Variants in PPM1L observed in about 807,000 individuals in gnomAD.
PPM1L encodes the protein protein phosphatase 1L.
PPM1L carries 13 observed loss-of-function variants against 31.4 expected under a neutral mutation model. The observed-to-expected ratio is 0.41, with a 90% CI of 0.27 to 0.66. PPM1L has a LOEUF of 0.66. Ranked by LOEUF, PPM1L falls within the 30% of genes least tolerant of loss-of-function variation. The probability of loss-of-function intolerance (pLI) is 0.29; values close to 1 mark genes in which losing one functional copy is unlikely to be tolerated. For synonymous variants in PPM1L, 184 were observed against 175.4 expected, an observed-to-expected ratio of 1.05 and a Z score of -0.39; for missense variants, 326 against 453.7, an observed-to-expected ratio of 0.72 and a Z score of 2.56.
intron 1 of PPM1L, among the ~76,000 whole-genome samples, chr3:160,922,817 T>C (rs909429608): frequency 6.6e-6 from 1 of 152,236 alleles, no homozygotes; most frequent in Non-Finnish European, 1.5e-5. Flanking sequence ...TGTCAGGTAC[T>C]GTGCTAGGCA....
intron 2 of PPM1L, among the ~76,000 whole-genome samples, chr3:161,000,827 T>C (rs184095266): frequency 2.3e-3 from 353 of 152,294 alleles, no homozygotes; most frequent in African/African-American, 8.4e-3. Context: ...CCTTAGTTGG[T>C]TGTTGGATTT....
chr3:160,944,133 A>T (rs2108089711), intron 1 of PPM1L, among the ~76,000 whole-genome samples: 2 of 152,102 alleles, frequency 1.3e-5, no homozygotes, highest in East Asian at 1.9e-4. Flanking sequence ...GCTGTTTGAG[A>T]GACACCAGCC....
intron 2 of PPM1L, among the ~76,000 whole-genome samples, chr3:161,040,689 C>T (rs1718882648): frequency 6.6e-6 from 1 of 152,070 alleles, no homozygotes; most frequent in Admixed American, 6.6e-5. Flanking sequence ...GAGGACTAAT[C>T]TCTGATTTTT....
At chr3:160,820,873 G>C (rs1009163659) in intron 1 of PPM1L, among the ~76,000 whole-genome samples, 1 of 151,960 alleles carries the variant, frequency 6.6e-6, no homozygotes, top group Non-Finnish European at 1.5e-5. Flanking sequence ...ATTTCCTTGT[G>C]TACATATGCA....
rs758254400 is a variant in PPM1L, at chr3:160,756,583, A to G, written c.275A>G (p.Asn92Ser). 5.6e-6 allele frequency: 9 copies of G among 1,614,012 alleles called. No individual in the cohort carries two copies. The highest frequency in any genetic ancestry group is 4.0e-5 in the African/African-American group (3 of 74,902). ...FSKTWEFKNH[N>S]VAVYSIQGRR... ...AAGACCTGGGAGTTCAAGAACCACA[A>G]CGTGGCGGTGTACTCCATCCAGGGC... is the stretch of plus-strand genomic sequence containing the variant. Residue 92 changes from asparagine (N) to serine (S), a missense_variant, in exon 1 of 4, where the codon AAC (asparagine) becomes AGC (serine). Physicochemically the swap from Asn to Ser is conservative, Grantham distance 46. Coordinates refer to ENST00000498165, the MANE Select transcript of PPM1L (RefSeq NM_139245.4). The surrounding 1 kb of genome is among the most constrained non-coding windows in gnomAD (Gnocchi z 6.2).
At chr3:161,000,217 T>C (rs1717440061) in intron 2 of PPM1L, among the ~76,000 whole-genome samples, 1 of 152,204 alleles carries the variant, frequency 6.6e-6, no homozygotes, top group African/African-American at 2.4e-5. Flanking sequence ...GGTTAGGTGA[T>C]ATAAATTTGA....
chr3:160,922,148 A>G (rs978682541), intron 1 of PPM1L, among the ~76,000 whole-genome samples: 3 of 152,074 alleles, frequency 2.0e-5, no homozygotes, highest in Admixed American at 2.0e-4. Flanking sequence ...ATCTCTGCTA[A>G]AAATACAAAA....
At chr3:160,970,239 A>C (rs1464600243) in intron 2 of PPM1L, among the ~76,000 whole-genome samples, 2 of 152,160 alleles carry the variant, frequency 1.3e-5, no homozygotes, top group Non-Finnish European at 2.9e-5. Flanking sequence ...TGTGAAAAAA[A>C]TGAGAATGGT....
chr3:161,063,606 T>C (rs1473972761), intron 2 of PPM1L, among the ~76,000 whole-genome samples: 4 of 152,196 alleles, frequency 2.6e-5, no homozygotes, highest in Non-Finnish European at 5.9e-5. Context: ...TGGAAGACAG[T>C]GTGGCAATTC....
rs1715687163 is a variant in PPM1L at position 160,954,778 on chromosome 3, TTTAATTAAG to T, written c.400-6956_400-6948del. Among the ~76,000 whole-genome samples the T allele has an allele frequency of 3.3e-5, 5 of 152,310 alleles. No individual in the cohort carries two copies. The South Asian group carries it at 1.0e-3, about 32-fold the overall frequency. ...CTTTTGCTGTGTGGAAACTCTGTAG[TTTAATTAAG>T]TCCCATTTGTCTATATTGTTGCTTT... On this transcript the variant is annotated intron_variant, in intron 1 of 3. Transcript: ENST00000498165.
At chr3:160,816,768 G>A (rs1297045257) in intron 1 of PPM1L, among the ~76,000 whole-genome samples, 1 of 151,958 alleles carries the variant, frequency 6.6e-6, no homozygotes, top group Non-Finnish European at 1.5e-5. Context: ...ACTCAGTGAG[G>A]CCCCCATCAT....
intron 1 of PPM1L, among the ~76,000 whole-genome samples, chr3:160,809,247 G>T (rs1371008301): frequency 6.6e-6 from 1 of 152,166 alleles, no homozygotes; most frequent in Non-Finnish European, 1.5e-5. Context: ...GCCATTAACA[G>T]TGCCATGATG....
chr3:160,851,796 G>C (rs1382842652), intron 1 of PPM1L, among the ~76,000 whole-genome samples: 1 of 152,138 alleles, frequency 6.6e-6, no homozygotes, highest in Non-Finnish European at 1.5e-5. Flanking sequence ...AAGGTGGAAA[G>C]GTACCCAAGA....
At chr3:160,763,719 A>T (rs562817056) in intron 1 of PPM1L, among the ~76,000 whole-genome samples, 20 of 152,290 alleles carry the variant, frequency 1.3e-4, no homozygotes, top group Admixed American at 9.2e-4. Flanking sequence ...GTTCCTCCAA[A>T]CTATGTGGAG....
At chr3:160,966,810 CAA>C (rs1432849769) in intron 2 of PPM1L, among the ~76,000 whole-genome samples, 3 of 152,134 alleles carry the variant, frequency 2.0e-5, no homozygotes, top group Admixed American at 6.6e-5. Context: ...GCACTACACT[CAA>C]AGTCACATTA....
intron 1 of PPM1L, among the ~76,000 whole-genome samples, chr3:160,830,664 T>C (rs1036088810): frequency 6.6e-6 from 1 of 152,176 alleles, no homozygotes; most frequent in Non-Finnish European, 1.5e-5. Context: ...GGTCAGAGTC[T>C]ATCCTCAGTC....
intron 2 of PPM1L, among the ~76,000 whole-genome samples, chr3:160,971,609 T>A (rs1326208413): frequency 1.3e-5 from 2 of 152,204 alleles, no homozygotes; most frequent in Non-Finnish European, 2.9e-5. Context: ...AACCCGTAAA[T>A]CTTGTGAACT....
intron 1 of PPM1L, among the ~76,000 whole-genome samples, chr3:160,877,263 C>G (rs1712545633): frequency 6.6e-6 from 1 of 152,144 alleles, no homozygotes; most frequent in South Asian, 2.1e-4. Context: ...GAGAACCAGG[C>G]TGGAGAAAAA....
intron 1 of PPM1L, among the ~76,000 whole-genome samples, chr3:160,916,737 C>T (rs896719972): frequency 6.6e-6 from 1 of 151,698 alleles, no homozygotes; most frequent in African/African-American, 2.4e-5. Flanking sequence ...TAAGTTACTG[C>T]TTTTTCCTCC....
Sources: allele counts gnomAD v4.1 joint callset (sites outside exome capture counted in the v4.1 genomes callset), GRCh38; gene constraint gnomAD v4.1.1; non-coding constraint Gnocchi (gnomAD v3.1); transcripts MANE v1.5; gene names NCBI Gene and HGNC (gene_info 2026-07-23, HGNC 2026-07-21).